Variants in CFH observed in about 807,000 individuals in gnomAD.
The protein encoded by CFH is complement factor H, also known as H factor 1 (complement).
Under a neutral mutation model 147.3 loss-of-function variants are expected in CFH, and 53 were observed. That is an observed-to-expected ratio of 0.36 (90% CI 0.29 to 0.45). CFH has a LOEUF of 0.45. CFH is among the 20% of genes least tolerant of loss of function. CFH has a pLI of 1.00. For missense variants in CFH, 1,380 were observed against 1,498.0 expected (o/e 0.92, Z 1.30); for synonymous variants, 536 against 489.4 (o/e 1.10, Z -1.26).
intron 15 of CFH, among the ~76,000 whole-genome samples, chr1:196,730,927 G>GT (rs907307361): frequency 1.1e-4 from 16 of 151,468 alleles, no homozygotes; most frequent in Non-Finnish European, 2.1e-4. Flanking sequence ...ATTTTTATAG[G>GT]TTTTTTTCCA....
At chr1:196,703,324 G>T (rs12038333) in intron 9 of CFH, among the ~76,000 whole-genome samples, 1 of 151,964 alleles carries the variant, frequency 6.6e-6, no homozygotes. Context: ...GGGACACTGA[G>T]TGGAAAATTT....
chr1:196,737,228 C>A (rs757460465), intron 16 of CFH, among the ~76,000 whole-genome samples: 1 of 152,048 alleles, frequency 6.6e-6, no homozygotes, highest in Non-Finnish European at 1.5e-5. Flanking sequence ...GATAACATTT[C>A]CATTCATGCA....
intron 1 of CFH, among the ~76,000 whole-genome samples, chr1:196,658,870 T>G (rs1224829176): frequency 6.6e-6 from 1 of 152,166 alleles, no homozygotes; most frequent in Non-Finnish European, 1.5e-5. Context: ...GCATCCAGAC[T>G]AAAACTAATT....
chr1:196,700,671 A>G (rs574587604), intron 9 of CFH, among the ~76,000 whole-genome samples: 11 of 151,866 alleles, frequency 7.2e-5, no homozygotes, highest in African/African-American at 2.2e-4. Context: ...AAAAAAAAGA[A>G]AAGAAAAAAA....
chr1:196,695,795 TG>T (rs1166102179), intron 9 of CFH, among the ~76,000 whole-genome samples: 2 of 152,186 alleles, frequency 1.3e-5, no homozygotes, highest in African/African-American at 4.8e-5. Flanking sequence ...ACTCATGATT[TG>T]GCTTTCTGTC....
At chr1:196,684,246 G>T (rs781148001) in intron 6 of CFH, among the ~76,000 whole-genome samples, 25 of 151,884 alleles carry the variant, frequency 1.6e-4, no homozygotes, top group Non-Finnish European at 2.9e-4. Context: ...TTTATGTATT[G>T]TTTTTCATTA....
intron 6 of CFH, among the ~76,000 whole-genome samples, chr1:196,684,838 G>A (rs1426500826): frequency 6.6e-6 from 1 of 151,986 alleles, no homozygotes; most frequent in African/African-American, 2.4e-5. Context: ...TGACTTTGGA[G>A]AAGAAGGGAT....
chr1:196,674,785 T>A (rs1667399465), intron 3 of CFH, among the ~76,000 whole-genome samples: 1 of 152,136 alleles, frequency 6.6e-6, no homozygotes, highest in African/African-American at 2.4e-5. Context: ...CCACTTAACA[T>A]TTATGGGTAT....
chr1:196,701,373 A>T (rs770745383), intron 9 of CFH: 3 of 1,613,462 alleles, frequency 1.9e-6, no homozygotes, highest in African/African-American at 1.3e-5. Flanking sequence ...TGAGTGGATC[A>T]AAGATGACAA....
chr1:196,747,420 T>C lies in CFH; in HGVS notation c.*107T>C, dbSNP rs1653055073. The C allele has an allele frequency of 1.1e-5, 15 of 1,351,702 alleles. No individual in the cohort carries two copies. Among genetic ancestry groups the C allele is most frequent in the Non-Finnish European group, 1.5e-5 (14 of 964,484 alleles). The allele number at this position is 1,351,702 out of a possible 1,614,324, so 83.7% of individuals were successfully genotyped here. On this transcript the variant is annotated 3_prime_UTR_variant, in exon 22 of 22. Coordinates refer to ENST00000367429, the MANE Select transcript of CFH (RefSeq NM_000186.4). ...CTCCTTTTTATTCATACGTAAAATT[T>C]TGGATTAATTTGTGAAAATGTAATT...
chr1:196,678,885 G>A (rs1280922234), intron 5 of CFH: 1 of 152,016 alleles, frequency 6.6e-6, no homozygotes, highest in Non-Finnish European at 1.5e-5. Context: ...TAGAAGGTGG[G>A]CCAATACATA....
chr1:196,661,415 A>T (rs1395283762), intron 1 of CFH, among the ~76,000 whole-genome samples: 3 of 152,216 alleles, frequency 2.0e-5, no homozygotes, highest in Non-Finnish European at 4.4e-5. Flanking sequence ...TATAAACAAC[A>T]GGAATGTATT....
intron 9 of CFH, among the ~76,000 whole-genome samples, chr1:196,712,118 T>C (rs1558172184): frequency 2.6e-5 from 4 of 152,266 alleles, no homozygotes; most frequent in East Asian, 1.9e-4. Context: ...ACTCATCTCA[T>C]TGTCACTTTT....
chr1:196,747,458 CGGTG>C lies in CFH; in HGVS notation c.*147_*150del, dbSNP rs1558187711. The C allele has an allele frequency of 1.1e-6, 1 of 906,020 alleles. No homozygotes were observed. The highest frequency in any genetic ancestry group is 1.7e-5 in the African/African-American group (1 of 59,232). 56.1% of individuals were successfully genotyped at this position (906,020 alleles called of 1,614,324 possible). ...TGAAAATGTAATTATAAGCTGAGAC[CGGTG>C]GCTCTCTTCTTAAAAGCACCATATT... On this transcript the variant is annotated 3_prime_UTR_variant, in exon 22 of 22. Coordinates refer to ENST00000367429, the MANE Select transcript of CFH (RefSeq NM_000186.4).
chr1:196,728,907 A>G (rs557496547), intron 15 of CFH, among the ~76,000 whole-genome samples: 2 of 151,934 alleles, frequency 1.3e-5, no homozygotes, highest in South Asian at 2.1e-4. Context: ...GCATGTATGT[A>G]TGTATCTATA....
At chr1:196,735,074 G>A (rs10801559) in intron 15 of CFH, among the ~76,000 whole-genome samples, 66,780 of 151,874 alleles carry the variant, frequency 0.44, 14,821 homozygotes, top group South Asian at 0.56. Flanking sequence ...TGCTTTAGCT[G>A]TGTCCCAGAA....
At chr1:196,666,895 G>A (rs2149073670) in intron 1 of CFH, among the ~76,000 whole-genome samples, 1 of 152,126 alleles carries the variant, frequency 6.6e-6, no homozygotes, top group East Asian at 1.9e-4. Context: ...AGTGGTCAGG[G>A]AGTATACTTA....
chr1:196,715,402 T>C (rs1162194992), intron 10 of CFH, among the ~76,000 whole-genome samples, 191 bp from the exon 11 acceptor site: 1 of 152,144 alleles, frequency 6.6e-6, no homozygotes, highest in Non-Finnish European at 1.5e-5. Context: ...AAATGTTGTG[T>C]AGAAAGATAT....
At chr1:196,713,681 T>C (rs1216869672) in intron 9 of CFH, 54 bp from the exon 10 acceptor site, 13 of 1,135,220 alleles carry the variant, frequency 1.1e-5, no homozygotes, top group Non-Finnish European at 1.7e-5. Flanking sequence ...CTTAAATTCT[T>C]ATAAAATGTT....
Sources: allele counts gnomAD v4.1 joint callset (sites outside exome capture counted in the v4.1 genomes callset), GRCh38; gene constraint gnomAD v4.1.1; transcripts MANE v1.5; gene names NCBI Gene and HGNC (gene_info 2026-07-23, HGNC 2026-07-21).